SMIM14: variants seen among roughly 807,000 people sequenced by gnomAD.
SMIM14 encodes the protein chromosome 4 open reading frame 34.
A neutral mutation model predicts 12.6 loss-of-function variants in SMIM14; 5 were observed. That is an observed-to-expected ratio of 0.40 (90% confidence interval 0.21 to 0.83). SMIM14 has a LOEUF of 0.83. Among genes scored for constraint, SMIM14 ranks in the 40% least tolerant of loss-of-function variants. The pLI is 0.37. For missense variants in SMIM14, 86 were observed against 119.1 expected (o/e 0.72, Z 1.29); for synonymous variants, 30 against 40.1 (o/e 0.75, Z 0.95).
chr4:39,619,165 T>C (rs1009516893), intron 1 of SMIM14, among the ~76,000 whole-genome samples: 3 of 148,236 alleles, frequency 2.0e-5, no homozygotes, highest in African/African-American at 7.4e-5. Context: ...TAATTTAATT[T>C]ATTATATATA....
chr4:39,631,669 A>AC (rs1291716290), intron 1 of SMIM14, among the ~76,000 whole-genome samples: 1 of 122,604 alleles, frequency 8.2e-6, no homozygotes, highest in Non-Finnish European at 1.8e-5. Context: ...AAAAAAAAAA[A>AC]AAAATAAATA....
intron 2 of SMIM14, among the ~76,000 whole-genome samples, chr4:39,574,093 T>C (rs1353903489): frequency 6.6e-6 from 1 of 152,136 alleles, no homozygotes; most frequent in African/African-American, 2.4e-5. Flanking sequence ...GTTAGTCTTA[T>C]TACTAACTAC....
chr4:39,579,660 T>C (rs1713393562), intron 2 of SMIM14, among the ~76,000 whole-genome samples: 1 of 151,812 alleles, frequency 6.6e-6, no homozygotes, highest in Admixed American at 6.6e-5. Flanking sequence ...CTGGCCAACA[T>C]GGTGCAACCC....
intron 1 of SMIM14, chr4:39,621,152 T>C (rs754200576): frequency 2.6e-5 from 4 of 152,104 alleles, no homozygotes; most frequent in Non-Finnish European, 4.4e-5. Flanking sequence ...ATAAGTAAGG[T>C]TAACATTTAT....
At chr4:39,584,849 A>C (rs1011266077) in intron 2 of SMIM14, among the ~76,000 whole-genome samples, 4 of 151,878 alleles carry the variant, frequency 2.6e-5, no homozygotes, top group Non-Finnish European at 5.9e-5. Flanking sequence ...GACTACAAAT[A>C]ATCAGGTTAA....
intron 1 of SMIM14, among the ~76,000 whole-genome samples, chr4:39,619,876 A>ATAT (rs71192884): frequency 0.064 from 7,400 of 115,758 alleles, 342 homozygotes; most frequent in African/African-American, 0.087. Context: ...ATATATATAT[A>ATAT]TTTTTTTTTT....
chr4:39,567,514 G>A (rs927006790), intron 3 of SMIM14, among the ~76,000 whole-genome samples: 15 of 152,024 alleles, frequency 9.9e-5, no homozygotes, highest in Non-Finnish European at 1.2e-4. Flanking sequence ...TGAGGTGGGC[G>A]GATCACGAGG....
At chr4:39,596,976 G>T (rs747150954) in intron 2 of SMIM14, among the ~76,000 whole-genome samples, 1 of 151,522 alleles carries the variant, frequency 6.6e-6, no homozygotes, top group Non-Finnish European at 1.5e-5. Context: ...GGATTTTGCC[G>T]TATTGCCCAG....
intron 2 of SMIM14, among the ~76,000 whole-genome samples, chr4:39,589,967 G>A (rs1713976972): frequency 7.7e-6 from 1 of 130,662 alleles, no homozygotes; most frequent in Admixed American, 8.2e-5. Flanking sequence ...AGGCTGCAGT[G>A]AGCCGAGATC....
At chr4:39,621,800 C>T (rs1715504135) in intron 1 of SMIM14, among the ~76,000 whole-genome samples, 1 of 149,430 alleles carries the variant, frequency 6.7e-6, no homozygotes, top group Admixed American at 6.7e-5. Flanking sequence ...TCAAGTGATC[C>T]CATCCCGAGT....
intron 1 of SMIM14, among the ~76,000 whole-genome samples, chr4:39,618,226 T>C (rs1356364253): frequency 6.6e-6 from 1 of 152,112 alleles, no homozygotes; most frequent in Non-Finnish European, 1.5e-5. Flanking sequence ...GAGGAGAACT[T>C]ACACCATAAA....
At chr4:39,603,832 G>A (rs1194707764) in intron 2 of SMIM14, among the ~76,000 whole-genome samples, 1 of 151,772 alleles carries the variant, frequency 6.6e-6, no homozygotes, top group Non-Finnish European at 1.5e-5. Context: ...CCAACAAGGT[G>A]AAACCCCGTC....
chr4:39,560,280 G>A (rs376243488), intron 3 of SMIM14, among the ~76,000 whole-genome samples: 2 of 134,948 alleles, frequency 1.5e-5, no homozygotes, highest in African/African-American at 5.9e-5. Flanking sequence ...ATGGAATCTC[G>A]TTCTGTCACC....
At chr4:39,579,581 G>A (rs1238240069) in intron 2 of SMIM14, among the ~76,000 whole-genome samples, 1 of 151,554 alleles carries the variant, frequency 6.6e-6, no homozygotes, top group Non-Finnish European at 1.5e-5. Context: ...CAGGGCTCAT[G>A]CTTGTAATCC....
chr4:39,553,059 G>GT (rs796515854), intron 4 of SMIM14, among the ~76,000 whole-genome samples: 2,202 of 141,652 alleles, frequency 0.016, 13 homozygotes, highest in Middle Eastern at 0.018. Context: ...CATTTTAATA[G>GT]TTTTTTTTTT....
intron 1 of SMIM14, among the ~76,000 whole-genome samples, chr4:39,616,408 TA>T: frequency 6.6e-6 from 1 of 152,182 alleles, no homozygotes; most frequent in Non-Finnish European, 1.5e-5. Flanking sequence ...GTGCTGGGAT[TA>T]CAGGAGTGAG....
intron 2 of SMIM14, chr4:39,589,727 G>A (rs1340475957): frequency 6.6e-6 from 1 of 152,122 alleles, no homozygotes; most frequent in Non-Finnish European, 1.5e-5. Context: ...TTGGTATAAG[G>A]ATATGAGTTA....
intron 1 of SMIM14, among the ~76,000 whole-genome samples, chr4:39,634,832 A>T (rs1461262231): frequency 6.6e-6 from 1 of 151,804 alleles, no homozygotes; most frequent in African/African-American, 2.4e-5. Flanking sequence ...GGACTTTTCC[A>T]TGGGAAAAAA....
At chr4:39,601,933 ATAAGACCCTATCTTAAAAAAAAAAAAC>A (rs1714629603) in intron 2 of SMIM14, among the ~76,000 whole-genome samples, 1 of 149,016 alleles carries the variant, frequency 6.7e-6, no homozygotes, top group South Asian at 2.2e-4. Flanking sequence ...GGGGAAAAGA[ATAAGACCCTATCTTAAAAAAAAAAAAC>A]AAAAAAAATG....
Sources: allele counts gnomAD v4.1 joint callset (sites outside exome capture counted in the v4.1 genomes callset), GRCh38; gene constraint gnomAD v4.1.1; transcripts MANE v1.5; gene names NCBI Gene and HGNC (gene_info 2026-07-23, HGNC 2026-07-21).